RABEP2: variants seen among roughly 807,000 people sequenced by gnomAD.
The protein encoded by RABEP2 is rab GTPase-binding effector protein 2.
Under a neutral mutation model 74.1 loss-of-function variants are expected in RABEP2, and 57 were observed. The observed-to-expected ratio is 0.77, with a 90% CI of 0.62 to 0.96. RABEP2 has a LOEUF of 0.96. RABEP2 is among the 40% of genes least tolerant of loss of function. The pLI is 0.00. For missense variants in RABEP2, 692 were observed against 756.3 expected (o/e 0.91, Z 1.00); for synonymous variants, 351 against 344.0 (o/e 1.02, Z -0.23).
chr16:28,924,568 A>C lies in RABEP2; in HGVS notation c.109T>G (p.Ser37Ala). 1 of 1,613,320 alleles carries C rather than the reference A, an allele frequency of 6.2e-7. No homozygotes were observed. The highest frequency in any genetic ancestry group is 1.1e-5 in the South Asian group (1 of 91,080). Reference protein sequence around the residue: ...SQEGANGEAESGELSRLRAEL... With the variant: ...SQEGANGEAEAGELSRLRAEL... The stretch of plus-strand genomic sequence containing the variant: ...GCCCGAAGCCGGCTGAGCTCACCTG[A>C]CTCGGCCTCACCATTTGCCCCTTCC... The change falls in exon 2 of 13, where the codon TCA (serine) becomes GCA (alanine). Residue 37 changes from serine to alanine, a missense_variant. Transcript: ENST00000358201.
chr16:28,907,676 C>T (rs949017090), intron 8 of RABEP2, among the ~76,000 whole-genome samples: 7 of 152,132 alleles, frequency 4.6e-5, no homozygotes. Flanking sequence ...CTTGCTCTCT[C>T]GCCAAGGCTA....
At chr16:28,924,886 T>C in intron 1 of RABEP2, 2 of 763,218 alleles carry the variant, frequency 2.6e-6, no homozygotes, top group Non-Finnish European at 4.5e-6. Flanking sequence ...CGCCCCTTCC[T>C]CACCGGGCCC....
intron 2 of RABEP2, among the ~76,000 whole-genome samples, chr16:28,922,753 G>A (rs898717338): frequency 2.6e-5 from 4 of 152,020 alleles, no homozygotes; most frequent in East Asian, 1.9e-4. Context: ...AATTAGCCAC[G>A]TGTGGTGGCA....
intron 1 of RABEP2, 43 bp downstream of exon 1, chr16:28,925,060 C>T (rs776889275): frequency 1.3e-6 from 2 of 1,544,488 alleles, no homozygotes; most frequent in South Asian, 1.2e-5. Context: ...GCCCCGCCCC[C>T]AGCATCACCG....
Position 28,912,691 on chromosome 16 carries a change from G to A in RABEP2, c.895-1512C>T, listed in dbSNP as rs565738406. ...GTGTCCCAAAGTGCTGAGATTACACGCGTGAGCCACTGCACCTGGCCCCAA... is the reference window on the plus strand; with the variant it reads ...GTGTCCCAAAGTGCTGAGATTACACACGTGAGCCACTGCACCTGGCCCCAA... On this transcript the variant is annotated intron_variant, in intron 5 of 12. Coordinates refer to ENST00000358201, the MANE Select transcript of RABEP2 (RefSeq NM_024816.3). Among the ~76,000 whole-genome samples, 72 of 152,136 alleles carry A rather than the reference G, an allele frequency of 4.7e-4. 1 individual carries two copies. Among genetic ancestry groups the A allele is most frequent in the African/African-American group, 1.4e-3 (60 of 41,512 alleles).
intron 7 of RABEP2, 92 bp downstream of exon 7, chr16:28,910,796 T>C: frequency 2.6e-6 from 3 of 1,134,330 alleles, no homozygotes; most frequent in Non-Finnish European, 3.8e-6. Context: ...ACAGGACAGG[T>C]TCCTTGACTT....
chr16:28,904,512 C>T lies in RABEP2; in HGVS notation c.*431G>A, dbSNP rs926259031. Reference sequence around the variant, plus strand: ...TGGAGGCCTGGGTCGCCGCTGTGGACAAGCGTCTTAGTGTCATGCAGACCA... The same window carrying T: ...TGGAGGCCTGGGTCGCCGCTGTGGATAAGCGTCTTAGTGTCATGCAGACCA... On this transcript the variant is annotated 3_prime_UTR_variant, in exon 13 of 13. Coordinates refer to ENST00000358201, the MANE Select transcript of RABEP2 (RefSeq NM_024816.3). 4.7e-6 allele frequency: 7 copies of T among 1,474,156 alleles called. No homozygotes were observed. In the Admixed American group the frequency reaches 1.4e-4, roughly 30 times the overall value. The allele number at this position is 1,474,156 out of a possible 1,614,324, so 91.3% of individuals were successfully genotyped here. A position where few individuals can be genotyped will look rare whatever the true frequency, so the allele number is the denominator to read the frequency against.
chr16:28,910,046 A>AG (rs1964290456), intron 7 of RABEP2, among the ~76,000 whole-genome samples: 1 of 151,606 alleles, frequency 6.6e-6, no homozygotes, highest in Admixed American at 6.6e-5. Context: ...AAAAAAAAAA[A>AG]AAAAATAGGA....
chr16:28,924,951 T>C (rs1964514826), intron 1 of RABEP2, 152 bp downstream of exon 1: 4 of 977,792 alleles, frequency 4.1e-6, no homozygotes, highest in South Asian at 1.4e-5. Context: ...ACGCCCCCTT[T>C]TGCCTGTGGC....
chr16:28,915,072 T>G (rs1265160690), intron 3 of RABEP2, among the ~76,000 whole-genome samples: 1 of 109,234 alleles, frequency 9.2e-6, no homozygotes, highest in Non-Finnish European at 1.9e-5. Flanking sequence ...TTTACCTTTT[T>G]TTTTTTGAGA....
Position 28,908,741 on chromosome 16 carries a change from C to T in RABEP2, c.1113G>A (p.Lys371=), listed in dbSNP as rs1303888158. 3.7e-6 allele frequency: 6 copies of T among 1,614,170 alleles called. No homozygotes were observed. The highest frequency in any genetic ancestry group is 2.2e-5 in the South Asian group (2 of 91,078). ...LQMAELVTTH[K]CLHHEVKRLN... ...ACCGCTTTACCTCATGGTGCAGGCA[C>T]TTGTGGGTGGTGACCAGCTCCGCCT... Residue 371 remains lysine, a synonymous_variant, in exon 8 of 13, where the codon AAG becomes AAA. Transcript: ENST00000358201.
chr16:28,914,221 G>A lies in RABEP2; in HGVS notation c.894+15C>T, dbSNP rs1481300423. On this transcript the variant is annotated intron_variant, in intron 5 of 12. Transcript: ENST00000358201. The stretch of plus-strand genomic sequence containing the variant: ...GGGGGATGGTACACCCCGCCACCCT[G>A]CCCACAACACTCACCTCTGTCTGCA... The A allele has an allele frequency of 3.8e-6, 6 of 1,569,228 alleles. No homozygotes were observed. The highest frequency in any genetic ancestry group is 5.2e-6 in the Non-Finnish European group (6 of 1,157,306).
At chr16:28,924,300 C>G in intron 2 of RABEP2, 103 bp downstream of exon 2, 1 of 1,216,726 alleles carries the variant, frequency 8.2e-7, no homozygotes, top group Non-Finnish European at 1.2e-6. Context: ...CCAGGCAGCC[C>G]TGCTAACCTA....
Position 28,905,770 on chromosome 16 carries a change from AG to A in RABEP2, c.1436-12del. On this transcript the variant is annotated splice_polypyrimidine_tract_variant and intron_variant, in intron 10 of 12. Transcript: ENST00000358201. ...GGCTGCACAGGGAGGCTGGGAAGTC[AG>A]GGCAGGGGGAGACGTCAGGGCCATG... 6.2e-7 allele frequency: 1 copy of A among 1,613,950 alleles called. No individual in the cohort carries two copies. The highest frequency in any genetic ancestry group is 8.5e-7 in the Non-Finnish European group (1 of 1,179,964).
chr16:28,914,626 C>G (rs1317321694), intron 4 of RABEP2, 40 bp from the exon 5 acceptor site: 1 of 1,608,644 alleles, frequency 6.2e-7, no homozygotes, highest in Admixed American at 1.7e-5. Context: ...GGGCCAGGGT[C>G]CTCTGGCACC....
chr16:28,914,786 G>A lies in RABEP2; in HGVS notation c.433-4C>T. 1 of 1,613,752 alleles carries A rather than the reference G, an allele frequency of 6.2e-7. No individual in the cohort carries two copies. Among genetic ancestry groups the A allele is most frequent in the Non-Finnish European group, 8.5e-7 (1 of 1,179,724 alleles). ...GCTTCTCCGAGTCCTCGTGGGCCTG[G>A]AGGGAGCGGGGTGTGGCAGCAATAG... is the stretch of plus-strand genomic sequence containing the variant. On this transcript the variant is annotated splice_region_variant and splice_polypyrimidine_tract_variant and intron_variant, in intron 3 of 12. Coordinates refer to ENST00000358201, the MANE Select transcript of RABEP2 (RefSeq NM_024816.3).
intron 8 of RABEP2, among the ~76,000 whole-genome samples, chr16:28,906,708 T>A (rs1172955854): frequency 2.0e-5 from 3 of 152,076 alleles, no homozygotes; most frequent in African/African-American, 7.2e-5. Flanking sequence ...GAGGTTGCAG[T>A]GAGCCGAGAT....
At position 28,908,666 on chromosome 16, in the gene RABEP2, G is replaced by A; in HGVS notation, c.1188C>T (p.Ala396=). 1.2e-6 allele frequency: 2 copies of A among 1,614,194 alleles called. No homozygotes were observed. Among genetic ancestry groups the A allele is most frequent in the East Asian group, 2.2e-5 (1 of 44,886 alleles). The part of the protein sequence containing the change: ...GLRAEQLPSS[A]PQGSQQEQGE... ...CCTGCTCCTGCTGCGAGCCCTGGGGGGCTGAGGATGGCAGCTGCTCGGCCC... is the reference window on the plus strand; with the variant it reads ...CCTGCTCCTGCTGCGAGCCCTGGGGAGCTGAGGATGGCAGCTGCTCGGCCC... The change falls in exon 8 of 13, where the codon GCC becomes GCT. Residue 396 remains alanine, a synonymous_variant. Coordinates refer to ENST00000358201, the MANE Select transcript of RABEP2 (RefSeq NM_024816.3).
chr16:28,921,651 T>A (rs1964469720), intron 2 of RABEP2, among the ~76,000 whole-genome samples: 1 of 70,826 alleles, frequency 1.4e-5, no homozygotes, highest in East Asian at 7.8e-4. Context: ...ACATAGATTT[T>A]TTTTTTTTTT....
Sources: gnomAD v4.1 joint callset for allele counts (sites outside exome capture counted in the v4.1 genomes callset) on GRCh38, gnomAD v4.1.1 for gene constraint, MANE v1.5 for transcripts, NCBI Gene and HGNC (gene_info 2026-07-23, HGNC 2026-07-21) for gene names.